The following IRAK1BP1 variants were observed in gnomAD, a reference collection of about 807,000 sequenced individuals.
IRAK1BP1 encodes interleukin-1 receptor-associated kinase 1-binding protein 1.
A neutral mutation model predicts 28.0 loss-of-function variants in IRAK1BP1; 24 were observed. The ratio of observed to expected loss-of-function variants is 0.86; its 90% CI spans 0.62 to 1.20. The LOEUF is 1.20. Ranked by LOEUF, IRAK1BP1 falls within the 50% of genes most tolerant of loss-of-function variation. IRAK1BP1 has a pLI of 0.00. For synonymous variants in IRAK1BP1, 131 were observed against 116.3 expected, an observed-to-expected ratio of 1.13 and a Z score of -0.81; for missense variants, 336 against 316.7, an observed-to-expected ratio of 1.06 and a Z score of -0.46.
At chr6:78,960,397 A>T in the IRAK1BP1 span, among the ~76,000 whole-genome samples, 1 of 151,448 alleles carries the variant, frequency 6.6e-6, no homozygotes, top group Non-Finnish European at 1.5e-5. Flanking sequence ...TTAATTTCCA[A>T]TCTTTAGCAA....
intron 4 of IRAK1BP1, chr6:78,939,512 TA>T (rs1773389198): frequency 6.6e-6 from 1 of 151,924 alleles, no homozygotes; most frequent in Non-Finnish European, 1.5e-5. Flanking sequence ...ATTTTAAAAT[TA>T]TTTTTATTCT....
intron 4 of IRAK1BP1, among the ~76,000 whole-genome samples, chr6:78,910,701 C>A (rs1425903918): frequency 6.6e-6 from 1 of 152,236 alleles, no homozygotes; most frequent in Non-Finnish European, 1.5e-5. Context: ...CTCACCTCGG[C>A]GTGGGGCGCA....
chr6:78,963,084 T>A, the IRAK1BP1 span: 1 of 1,570,814 alleles, frequency 6.4e-7, no homozygotes, highest in East Asian at 2.3e-5. Context: ...TACTCGCGTG[T>A]TGCTTTACTT....
the IRAK1BP1 span, among the ~76,000 whole-genome samples, chr6:78,976,013 G>A: frequency 6.6e-6 from 1 of 151,756 alleles, no homozygotes; most frequent in East Asian, 1.9e-4. Context: ...TCACAGAATT[G>A]GAAAAAACTA....
chr6:78,965,954 T>C, the IRAK1BP1 span: 3 of 1,599,488 alleles, frequency 1.9e-6, no homozygotes, highest in Non-Finnish European at 2.6e-6. Flanking sequence ...CCAAACATTG[T>C]AGCATTGAAA....
the IRAK1BP1 span, among the ~76,000 whole-genome samples, chr6:78,971,995 G>A: frequency 2.6e-5 from 4 of 151,470 alleles, no homozygotes; most frequent in East Asian, 3.9e-4. Flanking sequence ...AAACAAAGCA[G>A]CCGGGAAGCT....
At chr6:78,948,542 A>G (rs981840113), downstream of IRAK1BP1, among the ~76,000 whole-genome samples, 5 of 152,100 alleles carry the variant, frequency 3.3e-5, no homozygotes, top group Non-Finnish European at 5.9e-5. Context: ...TGCCCAGGTT[A>G]GAGTGCAGTT....
intron 2 of IRAK1BP1, among the ~76,000 whole-genome samples, chr6:78,896,261 G>T (rs1771876850): frequency 6.7e-6 from 1 of 149,590 alleles, no homozygotes; most frequent in African/African-American, 2.5e-5. Flanking sequence ...GAAATACAAA[G>T]GATCTAGAAC....
intron 1 of IRAK1BP1, among the ~76,000 whole-genome samples, chr6:78,873,175 A>C (rs1200151330): frequency 2.2e-5 from 3 of 136,936 alleles, no homozygotes; most frequent in African/African-American, 8.0e-5. Flanking sequence ...GAATCACTTG[A>C]GCCCAGGAGG....
chr6:78,903,136 G>T, downstream of IRAK1BP1: 1 of 1,184,770 alleles, frequency 8.4e-7, no homozygotes, highest in South Asian at 1.4e-5. Flanking sequence ...ATAAGAGTGA[G>T]AAAAAGAAGA....
At chr6:78,954,102 T>C in the IRAK1BP1 span, among the ~76,000 whole-genome samples, 1 of 152,136 alleles carries the variant, frequency 6.6e-6, no homozygotes, top group Admixed American at 6.5e-5. Context: ...TTTAAAACTA[T>C]TTTTTGTTTG....
intron 4 of IRAK1BP1, among the ~76,000 whole-genome samples, chr6:78,929,577 A>G (rs1167193127): frequency 6.6e-6 from 1 of 152,200 alleles, no homozygotes; most frequent in African/African-American, 2.4e-5. Flanking sequence ...TTGAAAAACT[A>G]TGGGTACTAT....
downstream of IRAK1BP1, among the ~76,000 whole-genome samples, chr6:78,906,861 TCA>T (rs1294079381): frequency 1.3e-5 from 2 of 152,202 alleles, no homozygotes; most frequent in Non-Finnish European, 2.9e-5. Context: ...TATTAATTAA[TCA>T]CATTATTTTC....
At chr6:78,878,901 G>T (rs930403025) in intron 1 of IRAK1BP1, among the ~76,000 whole-genome samples, 2 of 152,188 alleles carry the variant, frequency 1.3e-5, no homozygotes, top group Admixed American at 1.3e-4. Context: ...AAGGGTATCA[G>T]TGGTGGAAGA....
intron 2 of IRAK1BP1, among the ~76,000 whole-genome samples, chr6:78,889,116 CA>C (rs201870779): frequency 1.3e-3 from 106 of 79,810 alleles, no homozygotes; most frequent in Admixed American, 1.6e-3. Context: ...GACTCTGTCT[CA>C]AAAAAAAAAA....
At chr6:78,890,848 C>G (rs1771626903) in intron 2 of IRAK1BP1, among the ~76,000 whole-genome samples, 1 of 152,222 alleles carries the variant, frequency 6.6e-6, no homozygotes, top group Non-Finnish European at 1.5e-5. Flanking sequence ...AAGTGTCACA[C>G]TGTTCTTTAT....
intron 4 of IRAK1BP1, among the ~76,000 whole-genome samples, chr6:78,932,541 C>A (rs1027765726): frequency 6.6e-6 from 1 of 151,330 alleles, no homozygotes; most frequent in Non-Finnish European, 1.5e-5. Flanking sequence ...CCTGCCTCAG[C>A]CTCCTGAGTA....
At chr6:78,951,323 T>A (rs1220089867), downstream of IRAK1BP1, among the ~76,000 whole-genome samples, 1 of 152,180 alleles carries the variant, frequency 6.6e-6, no homozygotes, top group Non-Finnish European at 1.5e-5. Context: ...CTCAATACAA[T>A]TCTGTTGAAT....
rs184518809 is a variant in IRAK1BP1 at position 78,870,798 on chromosome 6, G to A, written c.315+2907G>A. 1.3e-4 allele frequency among the ~76,000 whole-genome samples: 19 copies of A among 151,862 alleles called. No individual in the cohort carries two copies. In the East Asian group the frequency reaches 3.3e-3, roughly 26 times the overall value. ...GCAGTCTAGGCTCACTGCAACCTCC[G>A]CCTCCCAGGTTCAAGCAATTCTCCT... On this transcript the variant is annotated intron_variant, in intron 1 of 3. Transcript: ENST00000369940.
Sources: allele counts gnomAD v4.1 joint callset (sites outside exome capture counted in the v4.1 genomes callset), GRCh38; gene constraint gnomAD v4.1.1; transcripts MANE v1.5; gene names NCBI Gene and HGNC (gene_info 2026-07-23, HGNC 2026-07-21).